Variants in CDON observed in about 807,000 individuals in gnomAD.
CDON encodes cell adhesion molecule-related/down-regulated by oncogenes.
CDON carries 73 observed loss-of-function variants against 120.9 expected under a neutral mutation model. That is an observed-to-expected ratio of 0.60 (90% CI 0.50 to 0.73). The LOEUF (loss-of-function observed/expected upper bound fraction) is 0.73, where lower values mean the gene tolerates loss of function less well. CDON is among the 30% of genes least tolerant of loss of function. The pLI, the probability that CDON is intolerant of heterozygous loss-of-function variation, is 0.00. For missense variants in CDON, 1,470 were observed against 1,587.3 expected (o/e 0.93, Z 1.26); for synonymous variants, 566 against 573.5 (o/e 0.99, Z 0.19).
chr11:125,958,816 C>G lies in CDON; in HGVS notation c.*2126G>C, dbSNP rs1044210844. On this transcript the variant is annotated 3_prime_UTR_variant, in exon 20 of 20. Transcript: ENST00000531738. ...ATGACCTAAGGCTCATGCTAATACA[C>G]CTGTTTCCTAAATCAAAATGGCTGT... 2.6e-5 allele frequency: 4 copies of G among 152,462 alleles called. No homozygotes were observed. The highest frequency in any genetic ancestry group is 9.7e-5 in the African/African-American group (4 of 41,388). 9.4% of individuals were successfully genotyped at this position (152,462 alleles called of 1,614,324 possible).
chr11:126,048,360 A>C lies in CDON; in HGVS notation c.-62+14219T>G, dbSNP rs573361122. Among the ~76,000 whole-genome samples, 24 of 152,224 alleles carry C rather than the reference A, an allele frequency of 1.6e-4. 1 individual carries two copies. The highest frequency in any genetic ancestry group is 5.5e-4 in the African/African-American group (23 of 41,560). ...AGACTAATGATTTACAGTGTTGCCAAGAACACTTGGCACATTCCCATCACA... is the reference window on the plus strand; with the variant it reads ...AGACTAATGATTTACAGTGTTGCCACGAACACTTGGCACATTCCCATCACA... On this transcript the variant is annotated intron_variant, in intron 1 of 19. Transcript: ENST00000531738.
At position 126,040,479 on chromosome 11, in the gene CDON, T is replaced by C. The variant is rs114345058; in HGVS notation, c.-61-16942A>G. ...ACAACCACAATGACTTATGTTTTAC[T>C]ACAACAATTTTTAAAAAGTGATTAT... On this transcript the variant is annotated intron_variant, in intron 1 of 19. Coordinates refer to ENST00000531738, the MANE Select transcript of CDON (RefSeq NM_001378964.1). Among the ~76,000 whole-genome samples, 1,447 of 152,330 alleles carry C rather than the reference T, an allele frequency of 9.5e-3. 23 individuals are homozygous for C. Among genetic ancestry groups the C allele is most frequent in the African/African-American group, 0.033 (1,387 of 41,582 alleles).
intron 10 of CDON, among the ~76,000 whole-genome samples, chr11:126,003,677 G>A (rs181337515): frequency 2.6e-5 from 4 of 152,150 alleles, no homozygotes; most frequent in East Asian, 1.9e-4. Context: ...AAAATTAGCC[G>A]GGCATGGTGG....
chr11:125,989,528 C>T lies in CDON; in HGVS notation c.2773+109G>A, dbSNP rs139786399. 354 of 1,034,266 alleles carry T rather than the reference C, an allele frequency of 3.4e-4. 3 individuals are homozygous for T. In the East Asian group the frequency reaches 7.0e-3, roughly 20 times the overall value. 64.1% of individuals were successfully genotyped at this position (1,034,266 alleles called of 1,614,324 possible). ...TCCAGCCTGGGTGACAGAGTGAGAC[C>T]GTGTCTCAAAACAAGACAAAACAAA... On this transcript the variant is annotated intron_variant, in intron 15 of 19. Transcript: ENST00000531738.
chr11:125,974,224 TCTC>T (rs1946086268), intron 18 of CDON, among the ~76,000 whole-genome samples: 1 of 151,916 alleles, frequency 6.6e-6, no homozygotes, highest in African/African-American at 2.4e-5. Flanking sequence ...AAAAGATATG[TCTC>T]CCCTATTAAA....
At chr11:126,020,353 G>A (rs1947597372) in intron 3 of CDON, among the ~76,000 whole-genome samples, 1 of 152,104 alleles carries the variant, frequency 6.6e-6, no homozygotes, top group South Asian at 2.1e-4. Context: ...AAAAAATAAG[G>A]AAGGATATCA....
chr11:126,029,022 C>G lies in CDON; in HGVS notation c.-61-5485G>C, dbSNP rs540865750. Among the ~76,000 whole-genome samples the G allele has an allele frequency of 5.9e-5, 9 of 152,122 alleles. No individual in the cohort carries two copies. In the South Asian group the frequency reaches 1.2e-3, roughly 21 times the overall value. On this transcript the variant is annotated intron_variant, in intron 1 of 19. Coordinates refer to ENST00000531738, the MANE Select transcript of CDON (RefSeq NM_001378964.1). ...TGTCAAGTCGTGTTCCAAAAAGAGG[C>G]CCCCAATAGCCAACCCCATCCCTCA...
At chr11:125,967,184 T>C (rs1182797223) in intron 18 of CDON, among the ~76,000 whole-genome samples, 2 of 152,146 alleles carry the variant, frequency 1.3e-5, no homozygotes, top group Non-Finnish European at 2.9e-5. Context: ...CACAAAACAC[T>C]GGAGGGGGAA....
chr11:126,000,394 T>C (rs1172331820), intron 11 of CDON, among the ~76,000 whole-genome samples: 2 of 150,580 alleles, frequency 1.3e-5, no homozygotes, highest in Non-Finnish European at 3.0e-5. Context: ...TTTTTGTAGA[T>C]ACTGGGTCTC....
At chr11:126,002,655 C>G (rs776401598) in intron 10 of CDON, among the ~76,000 whole-genome samples, 5 of 152,194 alleles carry the variant, frequency 3.3e-5, no homozygotes, top group Non-Finnish European at 2.9e-5. Flanking sequence ...CAGCACTGTC[C>G]TTGGAAATCT....
chr11:125,988,883 T>C (rs1591358978), intron 15 of CDON, among the ~76,000 whole-genome samples: 1 of 152,318 alleles, frequency 6.6e-6, no homozygotes, highest in East Asian at 1.9e-4. Context: ...CTTTAACATA[T>C]GTTGCACTTC....
At chr11:126,012,985 T>C (rs898340184) in intron 7 of CDON, among the ~76,000 whole-genome samples, 4 of 152,218 alleles carry the variant, frequency 2.6e-5, no homozygotes, top group African/African-American at 9.6e-5. Context: ...CACCATTAAA[T>C]GCAATGTTTC....
chr11:126,056,015 G>A (rs1000113608), intron 1 of CDON, among the ~76,000 whole-genome samples: 4 of 152,126 alleles, frequency 2.6e-5, no homozygotes, highest in Admixed American at 6.6e-5. Context: ...AATCATGTAC[G>A]TGGTGGGTAT....
At chr11:125,971,720 T>C (rs895594660) in intron 18 of CDON, among the ~76,000 whole-genome samples, 4 of 152,208 alleles carry the variant, frequency 2.6e-5, no homozygotes, top group Non-Finnish European at 5.9e-5. Flanking sequence ...CCAGTCTCTC[T>C]ACGACCCTTC....
chr11:126,014,026 A>G (rs768414755), intron 7 of CDON, among the ~76,000 whole-genome samples: 5 of 152,080 alleles, frequency 3.3e-5, no homozygotes, highest in Non-Finnish European at 7.4e-5. Flanking sequence ...TGATCCAACT[A>G]TTGAGAAGTA....
intron 15 of CDON, among the ~76,000 whole-genome samples, chr11:125,986,162 G>A (rs562988612): frequency 7.2e-5 from 11 of 152,258 alleles, no homozygotes; most frequent in Non-Finnish European, 1.3e-4. Flanking sequence ...CATGTCCTTC[G>A]TAGCGACATG....
At chr11:126,022,735 T>C (rs1282375729) in intron 2 of CDON, among the ~76,000 whole-genome samples, 1 of 152,224 alleles carries the variant, frequency 6.6e-6, no homozygotes, top group Non-Finnish European at 1.5e-5. Flanking sequence ...CCTTATTAAA[T>C]TTAATACAGC....
At chr11:126,027,054 T>C (rs757561913) in intron 1 of CDON, among the ~76,000 whole-genome samples, 2 of 152,214 alleles carry the variant, frequency 1.3e-5, no homozygotes, top group Non-Finnish European at 2.9e-5. Context: ...TCTTCTTTAT[T>C]AAGTCTATCT....
chr11:126,052,355 T>G (rs1591435742), intron 1 of CDON, among the ~76,000 whole-genome samples: 1 of 152,178 alleles, frequency 6.6e-6, no homozygotes, highest in African/African-American at 2.4e-5. Flanking sequence ...TGCCTAATTT[T>G]CAATAAACAG....
Sources: allele counts gnomAD v4.1 joint callset (sites outside exome capture counted in the v4.1 genomes callset), GRCh38; gene constraint gnomAD v4.1.1; transcripts MANE v1.5; gene names NCBI Gene and HGNC (gene_info 2026-07-23, HGNC 2026-07-21).